Variants in RIMKLB observed in about 807,000 individuals in gnomAD.
RIMKLB encodes ribosomal modification protein rimK like family member B, also known as beta-citrylglutamate synthase B.
Under a neutral mutation model 32.0 loss-of-function variants are expected in RIMKLB, and 7 were observed. The observed-to-expected ratio is 0.22, with a 90% confidence interval of 0.12 to 0.41. RIMKLB has a LOEUF of 0.41. RIMKLB is among the 10% of genes least tolerant of loss of function. The pLI is 1.00. For missense variants in RIMKLB, 289 were observed against 498.7 expected (o/e 0.58, Z 4.00); for synonymous variants, 172 against 185.1 (o/e 0.93, Z 0.57).
chr12:8,740,741 T>G (rs1414094129), intron 2 of RIMKLB, among the ~76,000 whole-genome samples: 4 of 152,212 alleles, frequency 2.6e-5, no homozygotes, highest in Non-Finnish European at 5.9e-5. Context: ...TTCTCATGGT[T>G]GTTTGACCTA....
intron 2 of RIMKLB, among the ~76,000 whole-genome samples, chr12:8,743,425 A>T (rs1202282641): frequency 1.3e-5 from 2 of 151,670 alleles, no homozygotes; most frequent in East Asian, 3.8e-4. Context: ...GATGGAATGA[A>T]AGTAAATATC....
intron 5 of RIMKLB, among the ~76,000 whole-genome samples, chr12:8,766,993 C>G (rs1950024862): frequency 6.6e-6 from 1 of 152,216 alleles, no homozygotes; most frequent in African/African-American, 2.4e-5. Flanking sequence ...TGCATTTGGC[C>G]CATCCATGGG....
intron 5 of RIMKLB, among the ~76,000 whole-genome samples, chr12:8,766,319 C>T (rs756962189): frequency 3.9e-5 from 6 of 152,196 alleles, no homozygotes; most frequent in East Asian, 1.9e-4. Flanking sequence ...GAAAGGGGTC[C>T]GGCTGCTGGA....
intron 2 of RIMKLB, among the ~76,000 whole-genome samples, chr12:8,718,481 A>G (rs1945075981): frequency 6.6e-6 from 1 of 152,098 alleles, no homozygotes; most frequent in Non-Finnish European, 1.5e-5. Context: ...CGTCTCTACT[A>G]AAAATACAAA....
At chr12:8,715,788 CAAAT>C (rs1944778582) in intron 2 of RIMKLB, among the ~76,000 whole-genome samples, 1 of 152,166 alleles carries the variant, frequency 6.6e-6, no homozygotes, top group Admixed American at 6.5e-5. Flanking sequence ...GTCAATCACA[CAAAT>C]AAATGTAAAG....
intron 2 of RIMKLB, among the ~76,000 whole-genome samples, chr12:8,748,519 C>CGTGTGTGTGTGTGTGTGTGTGTGT (rs58187682): frequency 1.5e-5 from 2 of 131,278 alleles, no homozygotes; most frequent in African/African-American, 6.0e-5. Context: ...TGGGATTATT[C>CGTGTGTGTGTGTGTGTGTGTGTGT]GTGTGTGTGT....
intron 2 of RIMKLB, among the ~76,000 whole-genome samples, chr12:8,718,669 ATGTGTGTGTGTGTGTG>A (rs1182850325): frequency 4.3e-5 from 5 of 116,128 alleles, no homozygotes; most frequent in African/African-American, 9.9e-5. Flanking sequence ...ATATATATAT[ATGTGTGTGTGTGTGTG>A]TGTGTGTGTG....
chr12:8,752,660 AC>A (rs1225471741), intron 4 of RIMKLB, among the ~76,000 whole-genome samples: 1 of 152,258 alleles, frequency 6.6e-6, no homozygotes, highest in East Asian at 1.9e-4. Flanking sequence ...ATAACACTTT[AC>A]AAGATGGCAT....
Position 8,724,478 on chromosome 12 carries a change from G to A in RIMKLB, c.175+10437G>A, listed in dbSNP as rs540970121. ...TTCCTGATCCTGAGGCCAAGTGTTC[G>A]TGTTTGTGTAATTGGTGATGTGCAC... On this transcript the variant is annotated intron_variant, in intron 2 of 5. Coordinates refer to ENST00000535829, the MANE Select transcript of RIMKLB (RefSeq NM_001297776.2). Among the ~76,000 whole-genome samples, 8 of 152,164 alleles carry A rather than the reference G, an allele frequency of 5.3e-5. 1 individual carries two copies. Among genetic ancestry groups the A allele is most frequent in the African/African-American group, 1.9e-4 (8 of 41,496 alleles).
chr12:8,710,994 A>G (rs1430645499), intron 1 of RIMKLB, among the ~76,000 whole-genome samples: 7 of 150,510 alleles, frequency 4.7e-5, no homozygotes, highest in Non-Finnish European at 7.4e-5. Flanking sequence ...AAAAAATTAG[A>G]GACCGGGCCT....
chr12:8,676,415 T>G, the RIMKLB span, among the ~76,000 whole-genome samples: 2 of 124,922 alleles, frequency 1.6e-5, no homozygotes, highest in Non-Finnish European at 3.3e-5. Flanking sequence ...TTTTTTTTTT[T>G]TGAGACAGAG....
rs117352914 is a variant in RIMKLB at position 8,721,374 on chromosome 12, C to T, written c.175+7333C>T. On this transcript the variant is annotated intron_variant, in intron 2 of 5. Coordinates refer to ENST00000535829, the MANE Select transcript of RIMKLB (RefSeq NM_001297776.2). ...ACCGAATTTCTTTCAAAATTGGAGT[C>T]AGTCCTCTTAAACCCTGCTGCTGCT... Among the ~76,000 whole-genome samples the T allele has an allele frequency of 6.7e-3, 1,020 of 152,304 alleles. 3 individuals carry two copies. Among genetic ancestry groups the T allele is most frequent in the Non-Finnish European group, 0.011 (737 of 68,022 alleles).
At chr12:8,755,256 CT>C (rs1948925916) in intron 5 of RIMKLB, among the ~76,000 whole-genome samples, 1 of 150,948 alleles carries the variant, frequency 6.6e-6, no homozygotes, top group Admixed American at 6.6e-5. Context: ...CAGCGCCGGG[CT>C]AATTTTTTAC....
At chr12:8,780,415 G>GTGAT (rs1950964270), downstream of RIMKLB, 1 of 152,176 alleles carries the variant, frequency 6.6e-6, no homozygotes, top group African/African-American at 2.4e-5. Flanking sequence ...TTGATTTTAT[G>GTGAT]TGATTGAGAT....
At chr12:8,757,470 C>CAAAAAAAAAAAAAAA (rs55670138) in intron 5 of RIMKLB, among the ~76,000 whole-genome samples, 4 of 71,416 alleles carry the variant, frequency 5.6e-5, no homozygotes, top group African/African-American at 2.0e-4. Flanking sequence ...GACCCTGTCT[C>CAAAAAAAAAAAAAAA]AAAAAAAAAA....
At chr12:8,757,095 G>A (rs139267643) in intron 5 of RIMKLB, among the ~76,000 whole-genome samples, 31 of 152,192 alleles carry the variant, frequency 2.0e-4, no homozygotes, top group Non-Finnish European at 3.7e-4. Flanking sequence ...GAGCTAAATG[G>A]CATCTTTTCT....
Position 8,776,323 on chromosome 12 carries a change from A to G in RIMKLB, c.*2539A>G, listed in dbSNP as rs1422362084. ...GTTATCTTAGATTTTAAAAACATGG[A>G]TATCTTCTTGAATTCCTTCAAGATT... is the stretch of plus-strand genomic sequence containing the variant. On this transcript the variant is annotated 3_prime_UTR_variant, in exon 6 of 6. Coordinates refer to ENST00000535829, the MANE Select transcript of RIMKLB (RefSeq NM_001297776.2). 5.1e-6 allele frequency: 5 copies of G among 979,044 alleles called. No homozygotes were observed. Among genetic ancestry groups the G allele is most frequent in the African/African-American group, 3.5e-5 (2 of 57,122 alleles). 60.6% of individuals were successfully genotyped at this position (979,044 alleles called of 1,614,324 possible). A position where few individuals can be genotyped will look rare whatever the true frequency, so the allele number is the denominator to read the frequency against.
At position 8,712,937 on chromosome 12, in the gene RIMKLB, C is replaced by T. The variant is rs189943840; in HGVS notation, c.-56-874C>T. ...TTTTTTGGTAAACATTAAAAAAAAT[C>T]GTTTTGTTGCTTGTTCTGAAACTTG... On this transcript the variant is annotated intron_variant, in intron 1 of 5. Coordinates refer to ENST00000535829, the MANE Select transcript of RIMKLB (RefSeq NM_001297776.2). Among the ~76,000 whole-genome samples, 12 of 152,084 alleles carry T rather than the reference C, an allele frequency of 7.9e-5. No homozygotes were observed. The East Asian group carries it at 2.3e-3, about 29-fold the overall frequency.
At chr12:8,728,302 T>C (rs1946223559) in intron 2 of RIMKLB, among the ~76,000 whole-genome samples, 1 of 152,194 alleles carries the variant, frequency 6.6e-6, no homozygotes, top group Non-Finnish European at 1.5e-5. Context: ...CTTGTATTTT[T>C]TGGTTGAAAG....
Sources: gnomAD v4.1 joint callset for allele counts (sites outside exome capture counted in the v4.1 genomes callset) on GRCh38, gnomAD v4.1.1 for gene constraint, MANE v1.5 for transcripts, NCBI Gene and HGNC (gene_info 2026-07-23, HGNC 2026-07-21) for gene names.